Variants in CSGALNACT1 observed in about 807,000 individuals in gnomAD.
The protein encoded by CSGALNACT1 is chondroitin sulfate N-acetylgalactosaminyltransferase 1.
In CSGALNACT1, 52 loss-of-function variants were observed where a neutral mutation model predicts 51.0. The ratio of observed to expected loss-of-function variants is 1.02; its 90% CI spans 0.82 to 1.29. The LOEUF is 1.29. CSGALNACT1 is among the 50% of genes most tolerant of loss of function. The probability of loss-of-function intolerance (pLI) is 0.00; values close to 1 mark genes in which losing one functional copy is unlikely to be tolerated. For missense variants in CSGALNACT1, 935 were observed against 679.2 expected (o/e 1.38, Z -4.19); for synonymous variants, 341 against 254.4 (o/e 1.34, Z -3.24).
At chr8:19,491,340 G>A (rs970012954) in intron 4 of CSGALNACT1, among the ~76,000 whole-genome samples, 4 of 152,018 alleles carry the variant, frequency 2.6e-5, no homozygotes, top group African/African-American at 4.8e-5. Flanking sequence ...ATACTTCTAT[G>A]ATATAAATAT....
At position 19,470,919 on chromosome 8, in the gene CSGALNACT1, A is replaced by G. The variant is rs554737793; in HGVS notation, c.635-12277T>C. On this transcript the variant is annotated intron_variant, in intron 4 of 9. Coordinates refer to ENST00000454498, the Ensembl canonical transcript of CSGALNACT1. ...CAGACTAGCCTGGCCAATGTGGTGA[A>G]ACCCCGTTTCTACTAAAAATACAAA... 5.9e-5 allele frequency among the ~76,000 whole-genome samples: 9 copies of G among 152,190 alleles called. No homozygotes were observed. The East Asian group carries it at 1.7e-3, about 29-fold the overall frequency.
intron 1 of CSGALNACT1, among the ~76,000 whole-genome samples, chr8:19,747,166 G>A (rs1315083249): frequency 6.6e-6 from 1 of 152,078 alleles, no homozygotes; most frequent in East Asian, 1.9e-4. Context: ...ATCATCTTGA[G>A]ACGACAGGGG....
chr8:19,588,895 T>C (rs1197809538), intron 3 of CSGALNACT1, among the ~76,000 whole-genome samples: 2 of 152,160 alleles, frequency 1.3e-5, no homozygotes, highest in Non-Finnish European at 2.9e-5. Flanking sequence ...AAGTACTGGA[T>C]TGGAGCCTGA....
At chr8:19,468,454 A>G (rs1325966490) in intron 4 of CSGALNACT1, among the ~76,000 whole-genome samples, 1 of 152,170 alleles carries the variant, frequency 6.6e-6, no homozygotes, top group East Asian at 1.9e-4. Context: ...CCTAGAGGAA[A>G]GGGGAGCCGG....
chr8:19,600,587 C>A (rs1280232856), intron 2 of CSGALNACT1, among the ~76,000 whole-genome samples: 1 of 152,152 alleles, frequency 6.6e-6, no homozygotes, highest in Non-Finnish European at 1.5e-5. Flanking sequence ...AGCCTCTTAA[C>A]CACTTGACTT....
chr8:19,660,188 A>G (rs28654443), intron 1 of CSGALNACT1, among the ~76,000 whole-genome samples: 5 of 152,200 alleles, frequency 3.3e-5, no homozygotes, highest in African/African-American at 1.2e-4. Context: ...AGGGCATTCT[A>G]TATTATTCCA....
Position 19,570,092 on chromosome 8 carries a change from A to ATTTT in CSGALNACT1, c.-297+21064_-297+21067dup, listed in dbSNP as rs35994246. 3.2e-3 allele frequency among the ~76,000 whole-genome samples: 459 copies of ATTTT among 144,588 alleles called. 4 individuals are homozygous for ATTTT. The highest frequency in any genetic ancestry group is 0.011 in the African/African-American group (441 of 39,668). The allele number at this position is 144,588 out of a possible 152,430, so 94.9% of individuals were successfully genotyped here. A position where few individuals can be genotyped will look rare whatever the true frequency, so the allele number is the denominator to read the frequency against. ...GGAAGGGAGGGTAGATTGGGGGCCTATTTTTTTTTTTTGGTTCTAGAAGTG... is the reference window on the plus strand; with the variant it reads ...GGAAGGGAGGGTAGATTGGGGGCCTATTTTTTTTTTTTTTTTGGTTCTAGAAGTG... On this transcript the variant is annotated intron_variant, in intron 3 of 9. Transcript: ENST00000454498.
intron 1 of CSGALNACT1, among the ~76,000 whole-genome samples, chr8:19,675,507 C>G (rs1009628246): frequency 5.5e-4 from 84 of 152,146 alleles, no homozygotes; most frequent in African/African-American, 1.9e-3. Flanking sequence ...ATCCCTCCCC[C>G]CAGACAGAGT....
exon 4 of CSGALNACT1, chr8:19,505,817 C>T (rs997136399): frequency 1.9e-6 from 3 of 1,612,388 alleles, no homozygotes; most frequent in Non-Finnish European, 2.5e-6. Context: ...CAAGCAGCCC[C>T]CGGCGAACCA....
At chr8:19,676,219 C>G (rs1484306516) in intron 1 of CSGALNACT1, among the ~76,000 whole-genome samples, 16 of 151,692 alleles carry the variant, frequency 1.1e-4, no homozygotes. Flanking sequence ...CACCAGTTTC[C>G]AACGGAAAAG....
At chr8:19,682,725 A>G (rs761458199), upstream of CSGALNACT1, 86 of 454,014 alleles carry the variant, frequency 1.9e-4, 1 homozygote, top group Non-Finnish European at 3.1e-4. Flanking sequence ...ACACCAATGC[A>G]CAGCCTGAGC....
chr8:19,646,324 G>C (rs1200062605), intron 1 of CSGALNACT1, among the ~76,000 whole-genome samples: 1 of 152,210 alleles, frequency 6.6e-6, no homozygotes, highest in East Asian at 1.9e-4. Flanking sequence ...GCTGAAGAAA[G>C]ATCCTGTGTG....
chr8:19,618,653 A>AGAAAGAAAGAAAG (rs1256689569), intron 1 of CSGALNACT1, among the ~76,000 whole-genome samples: 1 of 91,352 alleles, frequency 1.1e-5, no homozygotes, highest in African/African-American at 5.8e-5. Flanking sequence ...AAAAAAAAAA[A>AGAAAGAAAGAAAG]AAAGAAAGAA....
At chr8:19,580,142 A>C (rs1461674773) in intron 3 of CSGALNACT1, among the ~76,000 whole-genome samples, 2 of 152,238 alleles carry the variant, frequency 1.3e-5, no homozygotes, top group Non-Finnish European at 2.9e-5. Flanking sequence ...AGCCTGGAGC[A>C]GTCTTACTGG....
intron 1 of CSGALNACT1, among the ~76,000 whole-genome samples, chr8:19,628,112 C>T (rs1275231379): frequency 1.3e-5 from 2 of 152,160 alleles, no homozygotes; most frequent in African/African-American, 2.4e-5. Context: ...TACATCAATA[C>T]ATTAAGTCCT....
intron 1 of CSGALNACT1, among the ~76,000 whole-genome samples, chr8:19,672,323 T>C (rs940071870): frequency 1.3e-5 from 2 of 152,154 alleles, no homozygotes; most frequent in African/African-American, 4.8e-5. Context: ...GAACATGCAA[T>C]ACCCATTAGA....
At chr8:19,666,452 T>C (rs1230020044) in intron 1 of CSGALNACT1, among the ~76,000 whole-genome samples, 2 of 151,942 alleles carry the variant, frequency 1.3e-5, no homozygotes, top group Admixed American at 6.6e-5. Flanking sequence ...CCCAGCACTT[T>C]TGGAGGCTGA....
intron 8 of CSGALNACT1, among the ~76,000 whole-genome samples, chr8:19,415,471 G>A (rs934686849): frequency 2.6e-5 from 4 of 152,188 alleles, no homozygotes; most frequent in African/African-American, 9.6e-5. Flanking sequence ...AAATGTCAGA[G>A]GCTGCAGGAT....
At chr8:19,527,880 G>A (rs1308293988) in intron 3 of CSGALNACT1, among the ~76,000 whole-genome samples, 1 of 152,184 alleles carries the variant, frequency 6.6e-6, no homozygotes, top group African/African-American at 2.4e-5. Context: ...AAGAAGAGCT[G>A]TACGCCAGAG....
Sources: gnomAD v4.1 joint callset for allele counts (sites outside exome capture counted in the v4.1 genomes callset) on GRCh38, gnomAD v4.1.1 for gene constraint, MANE v1.5 for transcripts, NCBI Gene and HGNC (gene_info 2026-07-23, HGNC 2026-07-21) for gene names.